The following RIMS2 variants were observed in gnomAD, a reference collection of about 807,000 sequenced individuals.
RIMS2 encodes the protein regulating synaptic membrane exocytosis protein 2.
A neutral mutation model predicts 174.4 loss-of-function variants in RIMS2; 59 were observed. The observed-to-expected ratio is 0.34, with a 90% CI of 0.27 to 0.42. RIMS2 has a LOEUF of 0.42. Among genes scored for constraint, RIMS2 ranks in the 10% least tolerant of loss-of-function variants. RIMS2 has a pLI of 1.00. For synonymous variants in RIMS2, 606 were observed against 572.5 expected, an observed-to-expected ratio of 1.06 and a Z score of -0.84; for missense variants, 1,620 against 1,666.3, an observed-to-expected ratio of 0.97 and a Z score of 0.48.
At chr8:104,080,080 A>G (rs1474810326) in intron 19 of RIMS2, among the ~76,000 whole-genome samples, 2 of 152,064 alleles carry the variant, frequency 1.3e-5, no homozygotes, top group South Asian at 2.1e-4. Flanking sequence ...TAGAGATAAT[A>G]ATAGTGGAAA....
intron 19 of RIMS2, among the ~76,000 whole-genome samples, chr8:104,201,796 G>T (rs2099056187): frequency 6.6e-6 from 1 of 152,102 alleles, no homozygotes; most frequent in Admixed American, 6.5e-5. Flanking sequence ...ATCAAAAATA[G>T]AATTTGTAAT....
intron 3 of RIMS2, among the ~76,000 whole-genome samples, chr8:103,863,974 C>T (rs958803870): frequency 1.9e-4 from 29 of 150,334 alleles, no homozygotes; most frequent in Admixed American, 1.5e-3. Context: ...GGTGGCGCGA[C>T]CTTGGCTCAC....
chr8:104,048,758 A>C (rs1316445890), intron 19 of RIMS2, among the ~76,000 whole-genome samples: 1 of 152,168 alleles, frequency 6.6e-6, no homozygotes, highest in Non-Finnish European at 1.5e-5. Flanking sequence ...AAAGAAATTG[A>C]AAGTAATGTC....
intron 4 of RIMS2, among the ~76,000 whole-genome samples, chr8:103,904,867 A>C (rs2074031107): frequency 6.6e-6 from 1 of 151,152 alleles, no homozygotes; most frequent in African/African-American, 2.4e-5. Context: ...ACATTTTGTG[A>C]ATTGTGTTTT....
chr8:103,781,095 T>C (rs2098383601), intron 3 of RIMS2, among the ~76,000 whole-genome samples: 1 of 152,182 alleles, frequency 6.6e-6, no homozygotes, highest in Non-Finnish European at 1.5e-5. Context: ...CTATGGAATA[T>C]ACCTCCTGTA....
chr8:103,998,677 G>T (rs915886258), intron 17 of RIMS2, among the ~76,000 whole-genome samples: 2 of 151,732 alleles, frequency 1.3e-5, no homozygotes, highest in Admixed American at 1.3e-4. Flanking sequence ...TCCTTGAAGT[G>T]CTTAGGTTGA....
At chr8:104,156,291 C>T (rs78728240) in intron 19 of RIMS2, among the ~76,000 whole-genome samples, 2,898 of 141,620 alleles carry the variant, frequency 0.02, 91 homozygotes, top group African/African-American at 0.07. Flanking sequence ...TCTTCAGCCA[C>T]TACCTGGGAA....
At chr8:103,785,705 C>A (rs1405132532) in intron 3 of RIMS2, among the ~76,000 whole-genome samples, 1 of 152,170 alleles carries the variant, frequency 6.6e-6, no homozygotes, top group Non-Finnish European at 1.5e-5. Context: ...CATCAATGTT[C>A]ATCAAGGATA....
chr8:104,248,684 T>C lies in RIMS2; in HGVS notation c.3477-17T>C, dbSNP rs752725769. On this transcript the variant is annotated splice_polypyrimidine_tract_variant and intron_variant, in intron 20 of 23. Transcript: ENST00000504942. ...TAGGGGTTGGGGATTTAATCTCATA[T>C]GTTATTTTGCTTTCAGTCTGATTTT... The C allele has an allele frequency of 7.2e-5, 97 of 1,349,568 alleles. 1 individual carries two copies. The Admixed American group carries it at 9.7e-4, about 14-fold the overall frequency. The allele number at this position is 1,349,568 out of a possible 1,614,324, so 83.6% of individuals were successfully genotyped here.
At chr8:103,980,929 A>G (rs1039198316) in intron 16 of RIMS2, among the ~76,000 whole-genome samples, 15 of 152,092 alleles carry the variant, frequency 9.9e-5, no homozygotes, top group African/African-American at 3.4e-4. Context: ...CATCAGGCAA[A>G]TTTCTAAGGT....
intron 17 of RIMS2, among the ~76,000 whole-genome samples, chr8:104,001,751 A>G (rs953564162): frequency 2.6e-5 from 4 of 151,996 alleles, no homozygotes; most frequent in African/African-American, 9.7e-5. Context: ...TGAACATGTG[A>G]ATGCTGACCT....
chr8:104,133,085 A>G (rs1431203000), intron 19 of RIMS2, among the ~76,000 whole-genome samples: 1 of 152,184 alleles, frequency 6.6e-6, no homozygotes, highest in African/African-American at 2.4e-5. Flanking sequence ...CTAGTGTCAG[A>G]CTGCTGGGTT....
At chr8:103,879,024 A>G (rs2099155131) in intron 3 of RIMS2, among the ~76,000 whole-genome samples, 1 of 151,698 alleles carries the variant, frequency 6.6e-6, no homozygotes. Flanking sequence ...AAGTAGTTAC[A>G]AAAGCAATAA....
At chr8:103,794,789 C>T (rs1032888282) in intron 3 of RIMS2, among the ~76,000 whole-genome samples, 8 of 152,196 alleles carry the variant, frequency 5.3e-5, no homozygotes, top group Non-Finnish European at 7.3e-5. Context: ...TGAACAGACA[C>T]TCCTCAAAAG....
In RIMS2 at chr8:104,171,034, T is replaced by C. The variant is rs549757952; in HGVS notation, c.3335-73882T>C. Among the ~76,000 whole-genome samples, 5 of 152,316 alleles carry C rather than the reference T, an allele frequency of 3.3e-5. No homozygotes were observed. The East Asian group carries it at 9.6e-4, about 29-fold the overall frequency. ...GCTGAGAAGTCTGCTGTTAGTCTGA[T>C]AGGTTTTCCTTTATAGGTTACCTGA... is the stretch of plus-strand genomic sequence containing the variant. On this transcript the variant is annotated intron_variant, in intron 19 of 23. Coordinates refer to ENST00000504942, the Ensembl canonical transcript of RIMS2.
chr8:103,744,074 T>A (rs1221521427), intron 2 of RIMS2, among the ~76,000 whole-genome samples: 1 of 152,160 alleles, frequency 6.6e-6, no homozygotes, highest in African/African-American at 2.4e-5. Context: ...TGAGACGAAG[T>A]GTTGCTCTGT....
chr8:104,069,438 G>A (rs1598178675), intron 19 of RIMS2, among the ~76,000 whole-genome samples: 1 of 151,076 alleles, frequency 6.6e-6, no homozygotes, highest in Non-Finnish European at 1.5e-5. Context: ...TACCAAGGGA[G>A]GAAATAAAGT....
At chr8:103,685,336 G>A (rs1438747994) in intron 1 of RIMS2, among the ~76,000 whole-genome samples, 2 of 151,992 alleles carry the variant, frequency 1.3e-5, no homozygotes, top group Non-Finnish European at 2.9e-5. Flanking sequence ...GGGAGCAAGG[G>A]CAGGGAGTAG....
At chr8:103,996,702 GA>G (rs1477008179) in intron 17 of RIMS2, among the ~76,000 whole-genome samples, 1 of 151,802 alleles carries the variant, frequency 6.6e-6, no homozygotes, top group African/African-American at 2.4e-5. Context: ...CCCTGAGTTT[GA>G]AACCCAGTCC....
Sources: allele counts gnomAD v4.1 joint callset (sites outside exome capture counted in the v4.1 genomes callset), GRCh38; gene constraint gnomAD v4.1.1; transcripts MANE v1.5; gene names NCBI Gene and HGNC (gene_info 2026-07-23, HGNC 2026-07-21).